Variants in LAMA3 observed in about 807,000 individuals in gnomAD.
The protein encoded by LAMA3 is laminin subunit alpha-3.
Under a neutral mutation model 402.0 loss-of-function variants are expected in LAMA3, and 281 were observed. The observed-to-expected ratio is 0.70, with a 90% CI of 0.63 to 0.77. The LOEUF is 0.77. LAMA3 is among the 30% of genes least tolerant of loss of function. LAMA3 has a pLI of 0.00. For synonymous variants in LAMA3, 1,431 were observed against 1,558.4 expected (o/e 0.92, Z 1.93); for missense variants, 3,840 against 4,215.5 (o/e 0.91, Z 2.47).
intron 13 of LAMA3, 85 bp downstream of exon 13, chr18:23,810,588 C>A: frequency 6.7e-7 from 1 of 1,484,274 alleles, no homozygotes; most frequent in Non-Finnish European, 9.4e-7. Context: ...GCAAATCCCC[C>A]ACAGACTCAC....
chr18:23,805,315 G>A (rs1195669085), intron 12 of LAMA3, among the ~76,000 whole-genome samples: 5 of 152,146 alleles, frequency 3.3e-5, no homozygotes, highest in East Asian at 1.9e-4. Context: ...TAGATGAATC[G>A]AATGGGCAAG....
intron 8 of LAMA3, among the ~76,000 whole-genome samples, chr18:23,770,087 A>G (rs1226266823): frequency 6.6e-6 from 1 of 152,214 alleles, no homozygotes; most frequent in Non-Finnish European, 1.5e-5. Flanking sequence ...AGAGCTTTAA[A>G]ATACATGAAG....
intron 12 of LAMA3, among the ~76,000 whole-genome samples, chr18:23,798,225 T>TAGGA (rs1469974567): frequency 5.9e-5 from 9 of 151,758 alleles, no homozygotes; most frequent in African/African-American, 1.7e-4. Flanking sequence ...GAACAGAGGG[T>TAGGA]AGGAAGGCAG....
intron 68 of LAMA3, among the ~76,000 whole-genome samples, chr18:23,941,658 T>C (rs1205710606): frequency 6.6e-6 from 1 of 152,138 alleles, no homozygotes; most frequent in African/African-American, 2.4e-5. Context: ...GGTGAATGTA[T>C]AAAAATGCTC....
At chr18:23,717,743 T>A (rs2061134426) in intron 2 of LAMA3, among the ~76,000 whole-genome samples, 1 of 125,292 alleles carries the variant, frequency 8.0e-6, no homozygotes, top group Non-Finnish European at 1.8e-5. Flanking sequence ...TTTTTTTTTT[T>A]TTTTTTTAGT....
Position 23,876,302 on chromosome 18 carries a change from C to T in LAMA3, c.5007C>T (p.Ser1669=), listed in dbSNP as rs767014320. The change falls in exon 39 of 75, where the codon AGC becomes AGT. Residue 1669 remains serine (S), a synonymous_variant. Coordinates refer to ENST00000313654, the MANE Select transcript of LAMA3 (RefSeq NM_198129.4). The stretch of plus-strand genomic sequence containing the variant: ...CTTTGTTTGAAAAATAGGGTTGTAG[C>T]CCTGGATACTATCGGGATCATAAAG... ...AYAGDSCQGC[S]PGYYRDHKGL... is the part of the protein sequence containing the mutation. 4 of 1,610,622 alleles carry T rather than the reference C, an allele frequency of 2.5e-6. No individual in the cohort carries two copies. In the South Asian group the frequency reaches 3.3e-5, roughly 13 times the overall value.
intron 11 of LAMA3, among the ~76,000 whole-genome samples, chr18:23,778,868 A>C (rs1473841852): frequency 2.6e-5 from 4 of 152,224 alleles, no homozygotes; most frequent in African/African-American, 9.6e-5. Context: ...CTACAGCAAC[A>C]TAGTAACTCA....
chr18:23,859,428 G>T (rs1000539636), intron 34 of LAMA3, among the ~76,000 whole-genome samples: 1 of 152,212 alleles, frequency 6.6e-6, no homozygotes, highest in Non-Finnish European at 1.5e-5. Flanking sequence ...TCCCACTTCA[G>T]ATGCCAGTTG....
intron 34 of LAMA3, 113 bp from the exon 35 acceptor site, chr18:23,861,533 C>A: frequency 8.3e-7 from 1 of 1,210,058 alleles, no homozygotes; most frequent in Non-Finnish European, 1.2e-6. Flanking sequence ...TAAAGGAGGC[C>A]TCTGAGGCAA....
At chr18:23,929,286 C>G (rs1423267471) in intron 64 of LAMA3, among the ~76,000 whole-genome samples, 3 of 152,198 alleles carry the variant, frequency 2.0e-5, no homozygotes, top group African/African-American at 7.2e-5. Context: ...AATTCTCTTC[C>G]ACAAGGAGAT....
At chr18:23,787,335 C>T (rs928651285) in intron 12 of LAMA3, among the ~76,000 whole-genome samples, 1 of 151,620 alleles carries the variant, frequency 6.6e-6, no homozygotes, top group Non-Finnish European at 1.5e-5. Context: ...TACCATTAAG[C>T]ACAACATATG....
Position 23,751,074 on chromosome 18 carries a change from A to C in LAMA3, c.841A>C (p.Thr281Pro), listed in dbSNP as rs760952949. The C allele has an allele frequency of 6.2e-7, 1 of 1,613,988 alleles. No individual in the cohort carries two copies. Among genetic ancestry groups the C allele is most frequent in the African/African-American group, 1.3e-5 (1 of 74,902 alleles). Residue 281 changes from threonine (T) to proline (P), a missense_variant, in exon 5 of 75, where the codon ACT (threonine) becomes CCT (proline). Coordinates refer to ENST00000313654, the MANE Select transcript of LAMA3 (RefSeq NM_198129.4). Reference sequence around the variant, plus strand: ...CATCTCCAAAGCCCAGCGAGATCCAACTGTCACTCGGCGGGTGAGTAGTCA... The same window carrying C: ...CATCTCCAAAGCCCAGCGAGATCCACCTGTCACTCGGCGGGTGAGTAGTCA... The part of the protein sequence containing the change: ...HLISKAQRDP[T>P]VTRRYYYSIK...
At position 23,912,776 on chromosome 18, in the gene LAMA3, A is replaced by C; in HGVS notation, c.7224A>C (p.Glu2408Asp). ...GVEVRLPNDL[E>D]DLKGYTSLSL... is the part of the protein sequence containing the mutation. ...AAGTCCGACTGCCAAATGACCTGGAAGATTTGAAAGGATATACATCTCTGT... is the reference window on the plus strand; with the variant it reads ...AAGTCCGACTGCCAAATGACCTGGACGATTTGAAAGGATATACATCTCTGT... The change falls in exon 56 of 75, where the codon GAA (glutamate) becomes GAC (aspartate). Residue 2408 changes from glutamate (E) to aspartate (D), a missense_variant. By Grantham distance (45) the Glu-to-Asp change is conservative. Transcript: ENST00000313654. The C allele has an allele frequency of 6.2e-7, 1 of 1,614,100 alleles. No individual in the cohort carries two copies. The highest frequency in any genetic ancestry group is 2.2e-5 in the East Asian group (1 of 44,880).
intron 49 of LAMA3, 146 bp from the exon 50 acceptor site, chr18:23,903,787 G>C (rs1227639623): frequency 2.8e-6 from 2 of 706,480 alleles, no homozygotes; most frequent in Admixed American, 2.2e-5. Flanking sequence ...AAGTGACCAA[G>C]GATTAACTGG....
intron 42 of LAMA3, among the ~76,000 whole-genome samples, chr18:23,893,535 A>G (rs917668926): frequency 6.6e-6 from 1 of 152,176 alleles, no homozygotes; most frequent in Non-Finnish European, 1.5e-5. Flanking sequence ...GTGAGCTGAC[A>G]TCGCACCACT....
Position 23,915,375 on chromosome 18 carries a change from CA to C in LAMA3, c.7738del (p.Thr2580HisfsTer68), listed in dbSNP as rs2145251876. ...AAAATGTTCTGAGCTTGTACAACTTCAAAAAAACATTCAATCTCAACACAAC... is the reference window on the plus strand; with the variant it reads ...AAAATGTTCTGAGCTTGTACAACTTCAAAAAACATTCAATCTCAACACAAC... The part of the protein sequence containing the change: ...NENVLSLYNF[K>X]KTFNLNTTEV... On this transcript the variant is annotated frameshift_variant, in exon 59 of 75. Transcript: ENST00000313654. LOFTEE classifies it high-confidence loss of function. 1.2e-6 allele frequency: 2 copies of C among 1,613,502 alleles called. No individual in the cohort carries two copies. Among genetic ancestry groups the C allele is most frequent in the Non-Finnish European group, 8.5e-7 (1 of 1,179,632 alleles).
At chr18:23,705,494 T>TAC (rs2145868091) in intron 1 of LAMA3, among the ~76,000 whole-genome samples, 1 of 146,876 alleles carries the variant, frequency 6.8e-6, no homozygotes, top group African/African-American at 2.6e-5. Flanking sequence ...CATATATGCA[T>TAC]ATATATATAC....
Position 23,847,488 on chromosome 18 carries a change from G to A in LAMA3, c.3956G>A (p.Cys1319Tyr), listed in dbSNP as rs544156623. The change falls in exon 32 of 75, where the codon TGT (cysteine) becomes TAT (tyrosine). Residue 1319 changes from cysteine (C) to tyrosine (Y), a missense_variant. Physicochemically the swap from Cys to Tyr is radical, Grantham distance 194. Around this residue, in one of 3 missense-constraint regions of LAMA3, gnomAD observed 2,109 missense variants for 2,376.0 expected, o/e 0.89. Transcript: ENST00000313654. Reference protein sequence around the residue: ...CKPCSCGRRLCEEMTGQCRCP... With the variant: ...CKPCSCGRRLYEEMTGQCRCP... ...GCGTGCAGCTGTGGTCGGCGCCTTT[G>A]TGAAGAGATGACGGGGCAGTGCCGC... 2.9e-5 allele frequency: 46 copies of A among 1,613,390 alleles called. 1 individual carries two copies. The South Asian group carries it at 4.2e-4, about 15-fold the overall frequency.
chr18:23,775,868 C>T lies in LAMA3; in HGVS notation c.1350C>T (p.His450=), dbSNP rs34793649. 993 of 1,614,032 alleles carry T rather than the reference C, an allele frequency of 6.2e-4. 2 individuals are homozygous for T. The highest frequency in any genetic ancestry group is 7.7e-4 in the Non-Finnish European group (914 of 1,179,926). Residue 450 remains histidine, a synonymous_variant, in exon 10 of 75, where the codon CAC becomes CAT. Coordinates refer to ENST00000313654, the MANE Select transcript of LAMA3 (RefSeq NM_198129.4). The part of the protein sequence containing the change: ...SGRCHCKPNF[H]GDNCEKCAIG... The stretch of plus-strand genomic sequence containing the variant: ...GCTGTCACTGCAAGCCAAATTTCCA[C>T]GGAGACAACTGTGAGAAGTGTGCAA...
Sources: gnomAD v4.1 joint callset for allele counts (sites outside exome capture counted in the v4.1 genomes callset) on GRCh38, gnomAD v4.1.1 for gene constraint, gnomAD v4.1.1 regional missense constraint, MANE v1.5 for transcripts, NCBI Gene and HGNC (gene_info 2026-07-23, HGNC 2026-07-21) for gene names.